Variants in ARID2 observed in about 807,000 individuals in gnomAD.
The protein encoded by ARID2 is AT-rich interaction domain 2, also known as AT-rich interactive domain-containing protein 2.
Under a neutral mutation model 184.6 loss-of-function variants are expected in ARID2, and 32 were observed. The ratio of observed to expected loss-of-function variants is 0.17; its 90% CI spans 0.13 to 0.23. ARID2 has a LOEUF of 0.23. ARID2 is among the 10% of genes least tolerant of loss of function. The pLI is 1.00. For missense variants in ARID2, 1,696 were observed against 2,197.6 expected (o/e 0.77, Z 4.56); for synonymous variants, 836 against 772.6 (o/e 1.08, Z -1.36).
rs79463832 is a variant in ARID2, at chr12:45,758,056, C to T, written c.284+26742C>T. On this transcript the variant is annotated intron_variant, in intron 3 of 20. Coordinates refer to ENST00000334344, the MANE Select transcript of ARID2 (RefSeq NM_152641.4). Reference sequence around the variant, plus strand: ...AAAAGGATTCTTTGAGACAACAAAGCGATTTTTCGAGACAACAAAGTTTTG... The same window carrying T: ...AAAAGGATTCTTTGAGACAACAAAGTGATTTTTCGAGACAACAAAGTTTTG... Among the ~76,000 whole-genome samples the T allele has an allele frequency of 0.01, 1,558 of 152,148 alleles. 142 individuals carry two copies. In the East Asian group the frequency reaches 0.23, roughly 23 times the overall value.
chr12:45,825,956 GA>G (rs1296509115), intron 6 of ARID2, among the ~76,000 whole-genome samples: 1 of 152,060 alleles, frequency 6.6e-6, no homozygotes, highest in Non-Finnish European at 1.5e-5. Flanking sequence ...TAAATAGTTA[GA>G]AAATCCTTAC....
intron 3 of ARID2, among the ~76,000 whole-genome samples, chr12:45,767,429 T>TA (rs1300538379): frequency 5.9e-5 from 9 of 152,226 alleles, no homozygotes; most frequent in African/African-American, 1.9e-4. Context: ...TTTAGTTACT[T>TA]ACATGGTTAC....
At chr12:45,900,077 T>C (rs545554502) in intron 20 of ARID2, among the ~76,000 whole-genome samples, 10 of 152,136 alleles carry the variant, frequency 6.6e-5, no homozygotes, top group Non-Finnish European at 1.3e-4. Flanking sequence ...TTTTTATTTT[T>C]TGAGACAGAG....
intron 3 of ARID2, among the ~76,000 whole-genome samples, chr12:45,731,581 A>G (rs900707660): frequency 5.9e-5 from 9 of 152,198 alleles, no homozygotes; most frequent in South Asian, 2.1e-4. Flanking sequence ...CTTTTGTGAC[A>G]TTGTTATTCA....
chr12:45,811,340 A>G (rs1942704226), intron 3 of ARID2, 78 bp from the exon 4 acceptor site: 1 of 1,418,418 alleles, frequency 7.1e-7, no homozygotes, highest in African/African-American at 1.5e-5. Context: ...TAGAAAAGGA[A>G]AACAAATATG....
intron 16 of ARID2, among the ~76,000 whole-genome samples, chr12:45,883,099 A>T (rs1297893418): frequency 6.6e-6 from 1 of 152,150 alleles, no homozygotes; most frequent in Non-Finnish European, 1.5e-5. Flanking sequence ...AATTTGAACT[A>T]ATGAGCCTTC....
chr12:45,829,762 A>G (rs974202834), intron 6 of ARID2, among the ~76,000 whole-genome samples: 10 of 116,278 alleles, frequency 8.6e-5, no homozygotes, highest in African/African-American at 2.2e-4. Flanking sequence ...TTGTCATTCT[A>G]TTGTTTTCTG....
chr12:45,738,779 CTTTTTTTTTTTTTTTTTTTTT>C (rs11333868), intron 3 of ARID2, among the ~76,000 whole-genome samples: 5 of 62,306 alleles, frequency 8.0e-5, no homozygotes, highest in Admixed American at 4.8e-4. Flanking sequence ...ATATGGGCTA[CTTTTTTTTTTTTTTTTTTTTT>C]TTTTTTTTTT....
chr12:45,824,314 T>A (rs1049293247), intron 6 of ARID2, among the ~76,000 whole-genome samples: 6 of 152,104 alleles, frequency 3.9e-5, no homozygotes, highest in Non-Finnish European at 8.8e-5. Context: ...TTTGAGATAA[T>A]CATCATACCA....
intron 16 of ARID2, among the ~76,000 whole-genome samples, chr12:45,868,489 A>G (rs1365034501): frequency 2.0e-5 from 3 of 152,202 alleles, no homozygotes; most frequent in Non-Finnish European, 4.4e-5. Context: ...TGTCCACCCC[A>G]CGTCTCGAGA....
At position 45,836,819 on chromosome 12, in the gene ARID2, A is replaced by G. The variant is rs2138127163; in HGVS notation, c.851A>G (p.Gln284Arg). ...CTGGGCATTAACGATATTGAAGGACAGCGGGTACTTCAGATTGCAGTGATT... is the reference window on the plus strand; with the variant it reads ...CTGGGCATTAACGATATTGAAGGACGGCGGGTACTTCAGATTGCAGTGATT... ...RKLGINDIEG[Q>R]RVLQIAVILR... Residue 284 changes from glutamine to arginine, a missense_variant, in exon 8 of 21, where the codon CAG (glutamine) becomes CGG (arginine). Around this residue, in one of 11 missense-constraint regions of ARID2, gnomAD observed 148 missense variants for 285.4 expected, o/e 0.52. Transcript: ENST00000334344. 3 of 1,614,156 alleles carry G rather than the reference A, an allele frequency of 1.9e-6. No homozygotes were observed. The highest frequency in any genetic ancestry group is 2.5e-6 in the Non-Finnish European group (3 of 1,180,006).
intron 20 of ARID2, among the ~76,000 whole-genome samples, chr12:45,894,577 A>G (rs1021264522): frequency 5.3e-5 from 8 of 152,196 alleles, no homozygotes; most frequent in Non-Finnish European, 1.0e-4. Flanking sequence ...AAAGAAAATG[A>G]ATTTGACTAT....
At position 45,780,724 on chromosome 12, in the gene ARID2, T is replaced by C. The variant is rs146127044; in HGVS notation, c.285-30694T>C. Reference sequence around the variant, plus strand: ...ACCTCTGCCTGCCGGGTTCAAGTGATTCTCCTGCCTCAGCCAACCTAGTCA... The same window carrying C: ...ACCTCTGCCTGCCGGGTTCAAGTGACTCTCCTGCCTCAGCCAACCTAGTCA... On this transcript the variant is annotated intron_variant, in intron 3 of 20. Transcript: ENST00000334344. Among the ~76,000 whole-genome samples the C allele has an allele frequency of 5.6e-3, 858 of 152,190 alleles. 8 individuals are homozygous for C. The highest frequency in any genetic ancestry group is 0.02 in the African/African-American group (815 of 41,522).
At chr12:45,748,935 CT>C (rs1197016106) in intron 3 of ARID2, among the ~76,000 whole-genome samples, 2 of 152,186 alleles carry the variant, frequency 1.3e-5, no homozygotes, top group Non-Finnish European at 2.9e-5. Flanking sequence ...CAATGACCTC[CT>C]CCACTGTAAT....
At chr12:45,868,407 C>T (rs1340570150) in intron 16 of ARID2, among the ~76,000 whole-genome samples, 3 of 152,188 alleles carry the variant, frequency 2.0e-5, no homozygotes, top group African/African-American at 4.8e-5. Context: ...TGCCACTGCA[C>T]TCCAGCCTGG....
rs1943506159 is a variant in ARID2, at chr12:45,849,715, T to G, written c.1851T>G (p.Val617=). The change falls in exon 14 of 21, where the codon GTT becomes GTG. Residue 617 remains valine, a synonymous_variant. Transcript: ENST00000334344. ...PIQMYYQQQP[V]STSVVRVDSV... ...AGATGTACTATCAGCAGCAACCAGTTTCTACTTCTGTTGTTCGTGTTGATT... is the reference window on the plus strand; with the variant it reads ...AGATGTACTATCAGCAGCAACCAGTGTCTACTTCTGTTGTTCGTGTTGATT... 2 of 1,613,742 alleles carry G rather than the reference T, an allele frequency of 1.2e-6. No individual in the cohort carries two copies. Among genetic ancestry groups the G allele is most frequent in the East Asian group, 2.2e-5 (1 of 44,880 alleles).
intron 16 of ARID2, among the ~76,000 whole-genome samples, chr12:45,884,145 C>T (rs1944146427): frequency 1.3e-5 from 2 of 151,958 alleles, no homozygotes; most frequent in South Asian, 4.2e-4. Flanking sequence ...GCCTGTAATC[C>T]CAGCACTTTG....
At chr12:45,752,657 GACT>G (rs1299137717) in intron 3 of ARID2, among the ~76,000 whole-genome samples, 8 of 152,278 alleles carry the variant, frequency 5.3e-5, no homozygotes, top group Admixed American at 2.0e-4. Context: ...GAGTAGCTAG[GACT>G]CAGACTCATA....
intron 20 of ARID2, among the ~76,000 whole-genome samples, chr12:45,899,724 G>GTT (rs1310489889): frequency 3.2e-5 from 4 of 123,926 alleles, no homozygotes; most frequent in Admixed American, 1.6e-4. Context: ...TATATATATG[G>GTT]TTATATATAT....
Sources: gnomAD v4.1 joint callset for allele counts (sites outside exome capture counted in the v4.1 genomes callset) on GRCh38, gnomAD v4.1.1 for gene constraint, gnomAD v4.1.1 regional missense constraint, MANE v1.5 for transcripts, NCBI Gene and HGNC (gene_info 2026-07-23, HGNC 2026-07-21) for gene names.